VPS53: variants seen among roughly 807,000 people sequenced by gnomAD.
VPS53 encodes VPS53 subunit of GARP complex.
In VPS53, 70 loss-of-function variants were observed where a neutral mutation model predicts 107.0. The observed-to-expected ratio is 0.65, with a 90% CI of 0.54 to 0.80. The LOEUF (loss-of-function observed/expected upper bound fraction) is 0.80, where lower values mean the gene tolerates loss of function less well. Ranked by LOEUF, VPS53 falls within the 30% of genes least tolerant of loss-of-function variation. The probability of loss-of-function intolerance (pLI) is 0.00; values close to 1 mark genes in which losing one functional copy is unlikely to be tolerated. For synonymous variants in VPS53, 409 were observed against 393.3 expected (o/e 1.04, Z -0.47); for missense variants, 917 against 1,049.4 (o/e 0.87, Z 1.74).
At chr17:521,334 C>G (rs1055527583) in intron 20 of VPS53, among the ~76,000 whole-genome samples, 2 of 152,170 alleles carry the variant, frequency 1.3e-5, no homozygotes, top group Non-Finnish European at 2.9e-5. Context: ...CAGTGGCAAC[C>G]ACCTAACCTC....
intron 2 of VPS53, among the ~76,000 whole-genome samples, chr17:705,040 A>T (rs1010315483): frequency 6.6e-6 from 1 of 152,154 alleles, no homozygotes; most frequent in Non-Finnish European, 1.5e-5. Context: ...TATATCCATT[A>T]AAAAAAGTTT....
chr17:671,455 C>T (rs1372297986), intron 4 of VPS53, among the ~76,000 whole-genome samples: 1 of 152,154 alleles, frequency 6.6e-6, no homozygotes, highest in East Asian at 1.9e-4. Flanking sequence ...GGATTCAAAC[C>T]TTGGCTCTGC....
In VPS53 at chr17:677,292, C is replaced by T. The variant is rs180717304; in HGVS notation, c.286-15397G>A. Among the ~76,000 whole-genome samples the T allele has an allele frequency of 9.5e-4, 145 of 152,300 alleles. 2 individuals are homozygous for T. Among genetic ancestry groups the T allele is most frequent in the African/African-American group, 3.4e-3 (142 of 41,578 alleles). Reference sequence around the variant, plus strand: ...CGTAAAAGAGAAGAAAGTGCTGATACATGCTACAACGTGGATGAATCCTGA... The same window carrying T: ...CGTAAAAGAGAAGAAAGTGCTGATATATGCTACAACGTGGATGAATCCTGA... On this transcript the variant is annotated intron_variant, in intron 4 of 21. Coordinates refer to ENST00000437048, the MANE Select transcript of VPS53 (RefSeq NM_001128159.3).
chr17:651,679 T>C (rs530441791), intron 7 of VPS53, among the ~76,000 whole-genome samples: 1 of 152,360 alleles, frequency 6.6e-6, no homozygotes, highest in East Asian at 1.9e-4. Context: ...TCGGGCCTTA[T>C]TAAGAAGGCA....
intron 19 of VPS53, among the ~76,000 whole-genome samples, chr17:531,078 A>G (rs1223193879): frequency 6.6e-6 from 1 of 152,216 alleles, no homozygotes; most frequent in Non-Finnish European, 1.5e-5. Flanking sequence ...GTCTATGAAC[A>G]CTGCTGAGTT....
intron 12 of VPS53, among the ~76,000 whole-genome samples, chr17:591,548 G>A (rs1052257933): frequency 1.3e-5 from 2 of 152,042 alleles, no homozygotes; most frequent in Admixed American, 6.6e-5. Context: ...ACACTGCTTT[G>A]AATGTGTCCC....
At position 519,492 on chromosome 17, in the gene VPS53, A is replaced by G. The variant is rs1567594468; in HGVS notation, c.2329-194T>C. Among the ~76,000 whole-genome samples, 1 of 152,186 alleles carries G rather than the reference A, an allele frequency of 6.6e-6. No homozygotes were observed. Among genetic ancestry groups the G allele is most frequent in the Admixed American group, 6.5e-5 (1 of 15,276 alleles). ...GCGTGGGAGGAAAAGAGAGGGGAAG[A>G]AAAGGTAAAGGAAGGGAAAGAAGCG... On this transcript the variant is annotated intron_variant, in intron 21 of 21. Transcript: ENST00000437048. This position sits in a 1 kb window ranked among gnomAD's most constrained non-coding sequence, Gnocchi z 5.0.
intron 12 of VPS53, among the ~76,000 whole-genome samples, chr17:598,270 G>A (rs1968088043): frequency 6.6e-6 from 1 of 152,184 alleles, no homozygotes; most frequent in Admixed American, 6.5e-5. Context: ...GTGCTCAATG[G>A]TGCCCAGGCT....
intron 12 of VPS53, among the ~76,000 whole-genome samples, chr17:587,033 C>T (rs530827401): frequency 1.4e-4 from 22 of 151,852 alleles, no homozygotes; most frequent in African/African-American, 5.1e-4. Flanking sequence ...ATTCTTACCA[C>T]GAGTTCCTAA....
At chr17:695,008 T>A (rs188264298) in intron 4 of VPS53, among the ~76,000 whole-genome samples, 1 of 152,310 alleles carries the variant, frequency 6.6e-6, no homozygotes, top group Non-Finnish European at 1.5e-5. Flanking sequence ...CCTGGCTCAG[T>A]TGAATAAAAT....
chr17:666,176 C>T lies in VPS53; in HGVS notation c.286-4281G>A, dbSNP rs73281385. On this transcript the variant is annotated intron_variant, in intron 4 of 21. Transcript: ENST00000437048. ...AAGTCACCTAGGAAGACAGAATACACAAGAGAAGAAAAGATGGCACAGGGC... is the reference window on the plus strand; with the variant it reads ...AAGTCACCTAGGAAGACAGAATACATAAGAGAAGAAAAGATGGCACAGGGC... Among the ~76,000 whole-genome samples, 1,430 of 152,160 alleles carry T rather than the reference C, an allele frequency of 9.4e-3. 24 individuals are homozygous for T. Among genetic ancestry groups the T allele is most frequent in the African/African-American group, 0.032 (1,334 of 41,486 alleles).
intron 2 of VPS53, among the ~76,000 whole-genome samples, chr17:702,806 G>A (rs1466839910): frequency 6.6e-6 from 1 of 152,102 alleles, no homozygotes; most frequent in African/African-American, 2.4e-5. Flanking sequence ...CATTTAATGT[G>A]GATCTCCTAG....
At chr17:606,066 A>G (rs1229078243) in intron 11 of VPS53, among the ~76,000 whole-genome samples, 6 of 152,150 alleles carry the variant, frequency 3.9e-5, no homozygotes, top group Non-Finnish European at 8.8e-5. Flanking sequence ...CCAGTGTTCC[A>G]GGAAAGGGCT....
rs71371552 is a variant in VPS53, at chr17:588,318, AAAAC to A, written c.1219-1958_1219-1955del. On this transcript the variant is annotated intron_variant, in intron 12 of 21. Transcript: ENST00000437048. The stretch of plus-strand genomic sequence containing the variant: ...GGCGACAGAGTGAGACTCCATTTCA[AAAAC>A]AAACAAACAAACAAACAAAAAAGAA... 9.2e-5 allele frequency among the ~76,000 whole-genome samples: 14 copies of A among 151,886 alleles called. No individual in the cohort carries two copies. The South Asian group carries it at 1.0e-3, about 11-fold the overall frequency.
intron 7 of VPS53, among the ~76,000 whole-genome samples, chr17:648,547 T>A (rs1970795818): frequency 6.6e-6 from 1 of 152,150 alleles, no homozygotes; most frequent in Non-Finnish European, 1.5e-5. Flanking sequence ...TGAGACTTGG[T>A]CTCAAAAAAT....
intron 13 of VPS53, among the ~76,000 whole-genome samples, chr17:570,935 ATGTAGAAACCT>A (rs1913982476): frequency 6.6e-6 from 1 of 152,220 alleles, no homozygotes; most frequent in Non-Finnish European, 1.5e-5. Flanking sequence ...TACTGTGGTT[ATGTAGAAACCT>A]TGTTTCTAAG....
intron 12 of VPS53, among the ~76,000 whole-genome samples, chr17:586,970 AAAG>A (rs1259957403): frequency 1.3e-5 from 2 of 152,204 alleles, no homozygotes; most frequent in African/African-American, 4.8e-5. Flanking sequence ...AATGTAAGAA[AAAG>A]AAGAATGGAC....
At chr17:699,041 C>T (rs1973096189) in intron 3 of VPS53, among the ~76,000 whole-genome samples, 1 of 152,088 alleles carries the variant, frequency 6.6e-6, no homozygotes, top group Admixed American at 6.6e-5. Flanking sequence ...GTGGCTCACA[C>T]CTGTAATCCC....
intron 11 of VPS53, among the ~76,000 whole-genome samples, chr17:618,460 C>T (rs1441228986): frequency 4.7e-5 from 7 of 150,122 alleles, no homozygotes; most frequent in Non-Finnish European, 7.4e-5. Context: ...GCCACTACGC[C>T]CCACTAATAT....
Sources: gnomAD v4.1 joint callset for allele counts (sites outside exome capture counted in the v4.1 genomes callset) on GRCh38, gnomAD v4.1.1 for gene constraint, Gnocchi (gnomAD v3.1) non-coding constraint, MANE v1.5 for transcripts, NCBI Gene and HGNC (gene_info 2026-07-23, HGNC 2026-07-21) for gene names.